TCHP: variants seen among roughly 807,000 people sequenced by gnomAD.
The protein encoded by TCHP is trichoplein keratin filament-binding protein.
In TCHP, 81 loss-of-function variants were observed where a neutral mutation model predicts 88.7. The ratio of observed to expected loss-of-function variants is 0.91; its 90% CI spans 0.76 to 1.10. TCHP has a LOEUF of 1.10. Ranked by LOEUF, TCHP falls within the 50% of genes least tolerant of loss-of-function variation. The pLI, the probability that TCHP is intolerant of heterozygous loss-of-function variation, is 0.00. For missense variants in TCHP, 641 were observed against 632.1 expected, an observed-to-expected ratio of 1.01 and a Z score of -0.15; for synonymous variants, 232 against 232.5, an observed-to-expected ratio of 1.00 and a Z score of 0.02.
the TCHP span, among the ~76,000 whole-genome samples, chr12:109,891,544 A>C: frequency 3.4e-5 from 5 of 146,536 alleles, no homozygotes; most frequent in African/African-American, 1.3e-4. Flanking sequence ...CAGGTGCGCA[A>C]CACCATACCT....
chr12:109,907,015 G>A (rs928640658), intron 5 of TCHP, among the ~76,000 whole-genome samples: 3 of 152,110 alleles, frequency 2.0e-5, no homozygotes, highest in African/African-American at 7.2e-5. Flanking sequence ...TCAGCCTCCC[G>A]AGTAGCTAGG....
At chr12:109,912,255 A>C (rs1435590217) in intron 9 of TCHP, among the ~76,000 whole-genome samples, 1 of 152,194 alleles carries the variant, frequency 6.6e-6, no homozygotes. Context: ...TACAGGCCTC[A>C]TCTTACTGAG....
intron 11 of TCHP, chr12:109,914,981 T>TA (rs1223054110): frequency 2.5e-6 from 1 of 395,232 alleles, no homozygotes; most frequent in African/African-American, 2.1e-5. Context: ...TTTCACGAGG[T>TA]ACACGCCACG....
chr12:109,882,693 C>T, the TCHP span, among the ~76,000 whole-genome samples: 17 of 123,788 alleles, frequency 1.4e-4, no homozygotes, highest in Admixed American at 5.1e-4. Flanking sequence ...CTCACTCTGT[C>T]GCCCAGGCTG....
chr12:109,885,484 T>G, the TCHP span, among the ~76,000 whole-genome samples: 1 of 148,224 alleles, frequency 6.7e-6, no homozygotes, highest in Admixed American at 6.7e-5. Context: ...GATGGTTTTT[T>G]TTTTTTTTTT....
upstream of TCHP, among the ~76,000 whole-genome samples, chr12:109,897,566 C>CTT (rs563239979): frequency 3.0e-4 from 44 of 145,664 alleles, no homozygotes; most frequent in African/African-American, 8.6e-4. Context: ...TTCTTTCTTT[C>CTT]TTTTTTTTTT....
rs908104884 is a variant in TCHP at position 109,905,612 on chromosome 12, C to G, written c.456+819C>G. On this transcript the variant is annotated intron_variant, in intron 4 of 12. Coordinates refer to ENST00000405876, the MANE Select transcript of TCHP (RefSeq NM_001143852.2). This position sits in a 1 kb window ranked among gnomAD's most constrained non-coding sequence, Gnocchi z 4.0. Reference sequence around the variant, plus strand: ...TTGGCTGCAGGGAGATCATCCCTCACTGTTATTCATTTATTTTCAACTTAC... The same window carrying G: ...TTGGCTGCAGGGAGATCATCCCTCAGTGTTATTCATTTATTTTCAACTTAC... Among the ~76,000 whole-genome samples the G allele has an allele frequency of 6.6e-6, 1 of 152,166 alleles. No homozygotes were observed. Among genetic ancestry groups the G allele is most frequent in the African/African-American group, 2.4e-5 (1 of 41,448 alleles).
Position 109,903,850 on chromosome 12 carries a change from C to T in TCHP, c.189-87C>T. On this transcript the variant is annotated intron_variant, in intron 2 of 12. Coordinates refer to ENST00000405876, the MANE Select transcript of TCHP (RefSeq NM_001143852.2). This position sits in a 1 kb window ranked among gnomAD's most constrained non-coding sequence, Gnocchi z 4.6. ...TCCTGTGTCGTCATGACACATCTACCTCAGCCTCTTTTACCGACACAGCAG... is the reference window on the plus strand; with the variant it reads ...TCCTGTGTCGTCATGACACATCTACTTCAGCCTCTTTTACCGACACAGCAG... 1 of 1,099,408 alleles carries T rather than the reference C, an allele frequency of 9.1e-7. No homozygotes were observed. Among genetic ancestry groups the T allele is most frequent in the South Asian group, 1.4e-5 (1 of 73,476 alleles). 68.1% of individuals were successfully genotyped at this position (1,099,408 alleles called of 1,614,324 possible). A position where few individuals can be genotyped will look rare whatever the true frequency, so the allele number is the denominator to read the frequency against.
chr12:109,885,710 T>C, the TCHP span, among the ~76,000 whole-genome samples: 6 of 152,122 alleles, frequency 3.9e-5, no homozygotes, highest in African/African-American at 1.4e-4. Flanking sequence ...CTTGATCTCC[T>C]GACTTCCTGA....
At chr12:109,893,721 T>C in the TCHP span, among the ~76,000 whole-genome samples, 3 of 152,150 alleles carry the variant, frequency 2.0e-5, no homozygotes, top group African/African-American at 7.2e-5. Flanking sequence ...GGTGTGTTGG[T>C]CGAGTGAAAC....
At chr12:109,908,758 C>CT (rs1230472594) in intron 7 of TCHP, 60 bp downstream of exon 7, 101 of 1,556,114 alleles carry the variant, frequency 6.5e-5, no homozygotes, top group South Asian at 3.2e-4. Context: ...CTTTTTCAGA[C>CT]TTGCATTCGT....
the TCHP span, among the ~76,000 whole-genome samples, chr12:109,882,412 C>T: frequency 7.6e-6 from 1 of 131,346 alleles, no homozygotes; most frequent in Non-Finnish European, 1.6e-5. Flanking sequence ...CCAGCCAGAG[C>T]GAGCGAGACT....
the TCHP span, among the ~76,000 whole-genome samples, chr12:109,895,189 C>G: frequency 1.0e-3 from 153 of 149,546 alleles, 1 homozygote; most frequent in African/African-American, 3.6e-3. Flanking sequence ...TGGTATGGTT[C>G]AAGGTTCAAG....
At chr12:109,913,252 G>A (rs1358593929) in intron 10 of TCHP, among the ~76,000 whole-genome samples, 180 bp downstream of exon 10, 1 of 152,186 alleles carries the variant, frequency 6.6e-6, no homozygotes, top group African/African-American at 2.4e-5. Context: ...CAGAAGTACA[G>A]GAAGTAGAAA....
At chr12:109,902,492 G>T (rs1347699740) in intron 1 of TCHP, among the ~76,000 whole-genome samples, 8 of 151,854 alleles carry the variant, frequency 5.3e-5, no homozygotes, top group Non-Finnish European at 7.4e-5. Context: ...GTTGTGTTTT[G>T]AGATGGAGTC....
At chr12:109,900,464 AGGGCGGGGGCCCGCAGGCGGCCCGCGC>A (rs1312436801) in intron 1 of TCHP, 38 bp downstream of exon 1, 1 of 152,146 alleles carries the variant, frequency 6.6e-6, no homozygotes, top group Non-Finnish European at 1.5e-5. Context: ...ATCCGGCGTT[AGGGCGGGGGCCCGCAGGCGGCCCGCGC>A]GGGCGGGAAC....
the TCHP span, among the ~76,000 whole-genome samples, chr12:109,889,601 C>T: frequency 1.3e-5 from 2 of 152,284 alleles, no homozygotes; most frequent in South Asian, 4.1e-4. Context: ...GTAAATCTTC[C>T]CTCTGTTGTT....
intron 10 of TCHP, 94 bp downstream of exon 10, chr12:109,913,166 CAG>C: frequency 2.7e-6 from 3 of 1,122,192 alleles, no homozygotes; most frequent in South Asian, 1.3e-5. Context: ...GCTCTGGGAA[CAG>C]AGTCTTCTCT....
the TCHP span, among the ~76,000 whole-genome samples, chr12:109,890,424 T>C: frequency 3.8e-3 from 580 of 151,832 alleles, 4 homozygotes; most frequent in African/African-American, 0.014. Flanking sequence ...TGAGCCATGA[T>C]TGTGCCACTG....
Sources: gnomAD v4.1 joint callset for allele counts (sites outside exome capture counted in the v4.1 genomes callset) on GRCh38, gnomAD v4.1.1 for gene constraint, Gnocchi (gnomAD v3.1) non-coding constraint, MANE v1.5 for transcripts, NCBI Gene and HGNC (gene_info 2026-07-23, HGNC 2026-07-21) for gene names.